The following DLG2 variants were observed in gnomAD, a reference collection of about 807,000 sequenced individuals.
DLG2 encodes discs large MAGUK scaffold protein 2.
Under a neutral mutation model 132.5 loss-of-function variants are expected in DLG2, and 45 were observed. The observed-to-expected ratio is 0.34, with a 90% CI of 0.27 to 0.44. DLG2 has a LOEUF of 0.44. DLG2 is among the 20% of genes least tolerant of loss of function. DLG2 has a pLI of 1.00. For synonymous variants in DLG2, 424 were observed against 419.6 expected (o/e 1.01, Z -0.13); for missense variants, 1,045 against 1,196.9 (o/e 0.87, Z 1.87).
chr11:85,066,977 C>A (rs1025749893), intron 6 of DLG2, among the ~76,000 whole-genome samples: 1 of 151,620 alleles, frequency 6.6e-6, no homozygotes, highest in East Asian at 1.9e-4. Context: ...AATTAGAAAA[C>A]GGGAAGTCAA....
Position 84,906,917 on chromosome 11 carries a change from A to G in DLG2, c.357+204744T>C, listed in dbSNP as rs117365340. The stretch of plus-strand genomic sequence containing the variant: ...TGCTAAAATGAGGGTATCAGTATAC[A>G]CAGGTTTTATAATCAATTTTCTGGG... On this transcript the variant is annotated intron_variant, in intron 6 of 27. Coordinates refer to ENST00000376104, the MANE Select transcript of DLG2 (RefSeq NM_001142699.3). Among the ~76,000 whole-genome samples the G allele has an allele frequency of 2.5e-3, 378 of 152,308 alleles. 1 individual carries two copies. Among genetic ancestry groups the G allele is most frequent in the Non-Finnish European group, 3.3e-3 (223 of 68,020 alleles).
chr11:83,472,506 C>G (rs1007379433), intron 23 of DLG2, among the ~76,000 whole-genome samples: 1 of 152,126 alleles, frequency 6.6e-6, no homozygotes, highest in African/African-American at 2.4e-5. Context: ...GCATCCTTCT[C>G]TTAGGTGCTA....
chr11:83,800,007 G>A (rs1371409621), intron 17 of DLG2, among the ~76,000 whole-genome samples: 1 of 152,300 alleles, frequency 6.6e-6, no homozygotes, highest in Middle Eastern at 3.4e-3. Flanking sequence ...AAAGCATTTA[G>A]AACAGTGCCT....
At chr11:84,022,624 C>T (rs940410758) in intron 11 of DLG2, among the ~76,000 whole-genome samples, 1 of 152,130 alleles carries the variant, frequency 6.6e-6, no homozygotes, top group Non-Finnish European at 1.5e-5. Context: ...TTTGCATTAT[C>T]TGACTTTTGA....
chr11:83,749,774 G>A (rs932877564), intron 18 of DLG2, among the ~76,000 whole-genome samples: 1 of 152,174 alleles, frequency 6.6e-6, no homozygotes, highest in East Asian at 1.9e-4. Context: ...CTACACTGGG[G>A]AAAATTGGCA....
intron 18 of DLG2, among the ~76,000 whole-genome samples, chr11:83,674,267 G>A (rs2077317241): frequency 6.6e-6 from 1 of 152,166 alleles, no homozygotes; most frequent in Non-Finnish European, 1.5e-5. Context: ...TTACTAACAA[G>A]AATATATTTC....
At chr11:84,251,637 CTTTCTTTTT>C (rs2097374828) in intron 7 of DLG2, among the ~76,000 whole-genome samples, 2 of 130,040 alleles carry the variant, frequency 1.5e-5, no homozygotes, top group Non-Finnish European at 3.2e-5. Context: ...TGTATCTTTT[CTTTCTTTTT>C]TTTTTTTTTT....
chr11:83,901,816 T>C lies in DLG2; in HGVS notation c.1497-27328A>G, dbSNP rs1000095774. ...AGGATCCACCACTGAATAGCTTGGT[T>C]ACCTTGGTAAGTCCACTTAACTAAG... On this transcript the variant is annotated intron_variant, in intron 15 of 27. Transcript: ENST00000376104. Among the ~76,000 whole-genome samples, 10 of 152,200 alleles carry C rather than the reference T, an allele frequency of 6.6e-5. No homozygotes were observed. In the East Asian group the frequency reaches 1.9e-3, roughly 29 times the overall value.
At chr11:85,274,703 C>A (rs2077776122) in intron 4 of DLG2, among the ~76,000 whole-genome samples, 1 of 152,154 alleles carries the variant, frequency 6.6e-6, no homozygotes, top group South Asian at 2.1e-4. Flanking sequence ...AAAAACACAA[C>A]CCCTTTCCTC....
At chr11:84,327,321 G>A (rs1332445988) in intron 7 of DLG2, among the ~76,000 whole-genome samples, 1 of 151,926 alleles carries the variant, frequency 6.6e-6, no homozygotes, top group East Asian at 1.9e-4. Context: ...GACTTCATGT[G>A]ATCCACCCGC....
chr11:85,221,514 T>C (rs1312792749), intron 4 of DLG2, among the ~76,000 whole-genome samples: 1 of 152,236 alleles, frequency 6.6e-6, no homozygotes, highest in Admixed American at 6.5e-5. Flanking sequence ...ACTCAGCATC[T>C]TGTGCAAAAT....
intron 4 of DLG2, among the ~76,000 whole-genome samples, chr11:85,251,914 T>A (rs1311967537): frequency 1.3e-5 from 2 of 152,196 alleles, no homozygotes; most frequent in Non-Finnish European, 2.9e-5. Flanking sequence ...GTATTGGTAA[T>A]TTTATATTCT....
intron 9 of DLG2, among the ~76,000 whole-genome samples, chr11:84,103,952 C>T (rs928041285): frequency 2.0e-5 from 3 of 151,504 alleles, no homozygotes; most frequent in Non-Finnish European, 4.4e-5. Flanking sequence ...CCTGATCATT[C>T]GATTCTAGGA....
intron 6 of DLG2, among the ~76,000 whole-genome samples, chr11:84,893,101 A>G (rs138946112): frequency 1.5e-3 from 233 of 152,244 alleles, no homozygotes; most frequent in African/African-American, 5.0e-3. Flanking sequence ...AGCGCTTAGC[A>G]TATTACTTGC....
rs144794311 is a variant in DLG2 at position 83,489,023 on chromosome 11, T to G, written c.2194-4795A>C. ...CATGTGTGTCTATAACATTGCCTAA[T>G]TAAAAAAAGATTACTTCTGCAAACC... On this transcript the variant is annotated intron_variant, in intron 21 of 27. Transcript: ENST00000376104. Among the ~76,000 whole-genome samples the G allele has an allele frequency of 5.9e-5, 9 of 152,128 alleles. No homozygotes were observed. The East Asian group carries it at 1.7e-3, about 29-fold the overall frequency.
intron 3 of DLG2, among the ~76,000 whole-genome samples, chr11:85,522,592 G>A (rs1478160854): frequency 1.3e-5 from 2 of 152,196 alleles, no homozygotes; most frequent in African/African-American, 4.8e-5. Context: ...TAGGGCAGGA[G>A]GCTGTACCCT....
chr11:84,282,586 T>G (rs371623712), intron 7 of DLG2, among the ~76,000 whole-genome samples: 1 of 152,288 alleles, frequency 6.6e-6, no homozygotes, highest in East Asian at 1.9e-4. Context: ...TTATCATAAG[T>G]GATAAGCACT....
At chr11:84,748,254 T>C (rs934238364) in intron 6 of DLG2, among the ~76,000 whole-genome samples, 1 of 152,144 alleles carries the variant, frequency 6.6e-6, no homozygotes, top group Non-Finnish European at 1.5e-5. Context: ...GCCCCCAACA[T>C]GCCAATTGGT....
intron 6 of DLG2, among the ~76,000 whole-genome samples, chr11:84,544,095 A>G (rs1040164685): frequency 2.6e-5 from 4 of 152,242 alleles, no homozygotes; most frequent in African/African-American, 9.6e-5. Flanking sequence ...ACTCTAGCTC[A>G]GTGCCACCCT....
Sources: gnomAD v4.1 joint callset for allele counts (sites outside exome capture counted in the v4.1 genomes callset) on GRCh38, gnomAD v4.1.1 for gene constraint, MANE v1.5 for transcripts, NCBI Gene and HGNC (gene_info 2026-07-23, HGNC 2026-07-21) for gene names.